CDH1: variants seen among roughly 807,000 people sequenced by gnomAD.
CDH1 encodes the protein cadherin-1.
In CDH1, 35 loss-of-function variants were observed where a neutral mutation model predicts 84.5. The ratio of observed to expected loss-of-function variants is 0.41; its 90% CI spans 0.32 to 0.55. The LOEUF (loss-of-function observed/expected upper bound fraction) is 0.55. Ranked by LOEUF, CDH1 falls within the 20% of genes least tolerant of loss-of-function variation. The probability of loss-of-function intolerance (pLI) is 0.19; values close to 1 mark genes in which losing one functional copy is unlikely to be tolerated. For synonymous variants in CDH1, 417 were observed against 439.0 expected (o/e 0.95, Z 0.63); for missense variants, 994 against 1,126.6 (o/e 0.88, Z 1.68).
At chr16:68,738,924 C>T (rs1968265) in intron 2 of CDH1, among the ~76,000 whole-genome samples, 132,855 of 137,098 alleles carry the variant, frequency 0.97, 64,387 homozygotes, top group East Asian at 1. Flanking sequence ...CTTTTGTTTA[C>T]AGATATAAAA....
At chr16:68,780,360 G>A (rs1407780762) in intron 2 of CDH1, among the ~76,000 whole-genome samples, 1 of 152,086 alleles carries the variant, frequency 6.6e-6, no homozygotes, top group Non-Finnish European at 1.5e-5. Flanking sequence ...GGAGTGCAGT[G>A]GCATGATTTT....
chr16:68,834,404 A>C lies in CDH1; in HGVS notation c.*905A>C. On this transcript the variant is annotated 3_prime_UTR_variant, in exon 16 of 16. Transcript: ENST00000261769. ...GCCTCCTTTTTATTTTTTTGTACAG[A>C]TGGGGTCTTGCTATGTTGCCCAAGC... The C allele has an allele frequency of 2.5e-6, 1 of 398,450 alleles. No homozygotes were observed. Among genetic ancestry groups the C allele is most frequent in the Non-Finnish European group, 4.9e-6 (1 of 204,770 alleles). 24.7% of individuals were successfully genotyped at this position (398,450 alleles called of 1,614,324 possible). A position where few individuals can be genotyped will look rare whatever the true frequency, so the allele number is the denominator to read the frequency against.
chr16:68,805,565 G>A (rs1412645246), intron 3 of CDH1, among the ~76,000 whole-genome samples: 1 of 152,060 alleles, frequency 6.6e-6, no homozygotes, highest in Admixed American at 6.6e-5. Flanking sequence ...TGTGCAAGGT[G>A]GCCAGTTTTT....
chr16:68,740,425 C>T (rs536383232), intron 2 of CDH1, among the ~76,000 whole-genome samples: 177 of 152,104 alleles, frequency 1.2e-3, no homozygotes, highest in Non-Finnish European at 2.2e-3. Context: ...GTGATTCACC[C>T]GCCTTGGCCT....
chr16:68,820,768 T>A (rs1325745784), intron 11 of CDH1, among the ~76,000 whole-genome samples: 3 of 152,176 alleles, frequency 2.0e-5, no homozygotes, highest in Non-Finnish European at 2.9e-5. Context: ...TGCTTCTGTG[T>A]ATTTAAATAC....
rs1961554789 is a variant in CDH1, at chr16:68,833,605, A to C, written c.*106A>C. The C allele has an allele frequency of 1.2e-6, 1 of 842,688 alleles. No homozygotes were observed. Among genetic ancestry groups the C allele is most frequent in the Admixed American group, 1.8e-5 (1 of 54,216 alleles). 52.2% of individuals were successfully genotyped at this position (842,688 alleles called of 1,614,324 possible). On this transcript the variant is annotated 3_prime_UTR_variant, in exon 16 of 16. Coordinates refer to ENST00000261769, the MANE Select transcript of CDH1 (RefSeq NM_004360.5). Reference sequence around the variant, plus strand: ...CCCTTGAGATGAGTTTCTGGGGAAAAAAAAGAGACTGGTTAGTGATGCAGT... The same window carrying C: ...CCCTTGAGATGAGTTTCTGGGGAAACAAAAGAGACTGGTTAGTGATGCAGT...
At chr16:68,818,612 G>C (rs1005920413) in intron 10 of CDH1, among the ~76,000 whole-genome samples, 2 of 149,962 alleles carry the variant, frequency 1.3e-5, no homozygotes, top group African/African-American at 4.9e-5. Flanking sequence ...ACTTTGGGAG[G>C]CCGAGACGTG....
chr16:68,826,198 A>AT (rs1045619408), intron 13 of CDH1, among the ~76,000 whole-genome samples: 1 of 151,920 alleles, frequency 6.6e-6, no homozygotes, highest in Non-Finnish European at 1.5e-5. Context: ...ATGGGTATGT[A>AT]TTTTTTTAGA....
chr16:68,818,870 A>AG (rs1961059833), intron 10 of CDH1, among the ~76,000 whole-genome samples: 5 of 148,794 alleles, frequency 3.4e-5, no homozygotes, highest in South Asian at 4.3e-4. Flanking sequence ...AAAAAAAAAA[A>AG]GAAAGAAAGG....
rs748954668 is a variant in CDH1, at chr16:68,833,581, C to T, written c.*82C>T. 2.8e-6 allele frequency: 3 copies of T among 1,076,028 alleles called. No individual in the cohort carries two copies. Among genetic ancestry groups the T allele is most frequent in the Non-Finnish European group, 4.3e-6 (3 of 694,256 alleles). The allele number at this position is 1,076,028 out of a possible 1,614,324, so 66.7% of individuals were successfully genotyped here. On this transcript the variant is annotated 3_prime_UTR_variant, in exon 16 of 16. Transcript: ENST00000261769. Reference sequence around the variant, plus strand: ...TGCTGGTGGTTTTTCAGCTCCCTTCCCTTGAGATGAGTTTCTGGGGAAAAA... The same window carrying T: ...TGCTGGTGGTTTTTCAGCTCCCTTCTCTTGAGATGAGTTTCTGGGGAAAAA...
At chr16:68,738,635 GAGGTTGAGGGCACTTACT>G (rs940019371) in intron 2 of CDH1, among the ~76,000 whole-genome samples, 1 of 152,160 alleles carries the variant, frequency 6.6e-6, no homozygotes, top group Non-Finnish European at 1.5e-5. Context: ...TAAAGAAGAG[GAGGTTGAGGGCACTTACT>G]AGAAGCCTTC....
At chr16:68,758,593 G>A (rs188428160) in intron 2 of CDH1, among the ~76,000 whole-genome samples, 4 of 145,680 alleles carry the variant, frequency 2.7e-5, no homozygotes, top group African/African-American at 5.1e-5. Flanking sequence ...CTCAAGAATC[G>A]ATCTCTAAAA....
intron 2 of CDH1, among the ~76,000 whole-genome samples, chr16:68,794,569 G>C (rs1960303393): frequency 3.3e-5 from 5 of 151,894 alleles, no homozygotes; most frequent in Non-Finnish European, 1.5e-5. Context: ...ACCTAGGGTG[G>C]AGTGTGGTGG....
At chr16:68,806,730 T>G (rs1960672467) in intron 3 of CDH1, among the ~76,000 whole-genome samples, 1 of 152,196 alleles carries the variant, frequency 6.6e-6, no homozygotes, top group Non-Finnish European at 1.5e-5. Context: ...AATATCTGCC[T>G]GGGGCAAGGA....
intron 2 of CDH1, among the ~76,000 whole-genome samples, chr16:68,777,287 G>C (rs1959758549): frequency 6.6e-6 from 1 of 152,192 alleles, no homozygotes; most frequent in African/African-American, 2.4e-5. Flanking sequence ...TAACTTGTAA[G>C]TTATGTGACC....
chr16:68,803,562 T>A (rs1597886286), intron 3 of CDH1, among the ~76,000 whole-genome samples: 1 of 152,090 alleles, frequency 6.6e-6, no homozygotes, highest in East Asian at 1.9e-4. Flanking sequence ...CATGCCTGGC[T>A]GATTTTTGGA....
At chr16:68,745,540 A>AC (rs1206575238) in intron 2 of CDH1, among the ~76,000 whole-genome samples, 1 of 56,022 alleles carries the variant, frequency 1.8e-5, no homozygotes, top group Admixed American at 2.0e-4. Context: ...TCTCAAAAAA[A>AC]AAAAAAAAAA....
intron 2 of CDH1, among the ~76,000 whole-genome samples, chr16:68,771,400 T>C (rs945112206): frequency 6.6e-6 from 1 of 152,092 alleles, no homozygotes; most frequent in African/African-American, 2.4e-5. Context: ...AATCCTCCCA[T>C]CTGAGCCTCC....
At chr16:68,802,484 C>CTT (rs200930381) in intron 3 of CDH1, among the ~76,000 whole-genome samples, 2 of 149,230 alleles carry the variant, frequency 1.3e-5, no homozygotes, top group African/African-American at 4.9e-5. Flanking sequence ...CTCTCTCTCT[C>CTT]TTTTTTTTTT....
Sources: gnomAD v4.1 joint callset for allele counts (sites outside exome capture counted in the v4.1 genomes callset) on GRCh38, gnomAD v4.1.1 for gene constraint, MANE v1.5 for transcripts, NCBI Gene and HGNC (gene_info 2026-07-23, HGNC 2026-07-21) for gene names.